USP30: variants seen among roughly 807,000 people sequenced by gnomAD.
The protein encoded by USP30 is ubiquitin carboxyl-terminal hydrolase 30.
A neutral mutation model predicts 68.2 loss-of-function variants in USP30; 41 were observed. The observed-to-expected ratio is 0.60, with a 90% CI of 0.47 to 0.78. USP30 has a LOEUF of 0.78. Ranked by LOEUF, USP30 falls within the 30% of genes least tolerant of loss-of-function variation. The pLI, the probability that USP30 is intolerant of heterozygous loss-of-function variation, is 0.00. For missense variants in USP30, 522 were observed against 649.4 expected (o/e 0.80, Z 2.13); for synonymous variants, 229 against 253.7 (o/e 0.90, Z 0.93).
chr12:109,029,301 G>C (rs2040465329), intron 3 of USP30, among the ~76,000 whole-genome samples: 1 of 152,178 alleles, frequency 6.6e-6, no homozygotes, highest in Non-Finnish European at 1.5e-5. Context: ...ACCTGAGAGG[G>C]GCTTCTGGCC....
chr12:109,067,743 T>C (rs1248333831), intron 4 of USP30, 116 bp downstream of exon 4: 3 of 859,732 alleles, frequency 3.5e-6, no homozygotes, highest in Non-Finnish European at 5.5e-6. Flanking sequence ...TTAGACAACT[T>C]TAGTGTTCTG....
intron 2 of USP30, among the ~76,000 whole-genome samples, chr12:109,027,306 T>TCTC (rs2040451854): frequency 6.6e-6 from 1 of 152,112 alleles, no homozygotes; most frequent in Non-Finnish European, 1.5e-5. Flanking sequence ...AGAGACAGGG[T>TCTC]CTCACTCTGC....
chr12:109,055,401 T>TATA (rs61062424), intron 1 of USP30, among the ~76,000 whole-genome samples: 12 of 29,638 alleles, frequency 4.0e-4, no homozygotes, highest in African/African-American at 1.2e-3. Context: ...TATATATATA[T>TATA]TTTTTTTTTT....
upstream of USP30, among the ~76,000 whole-genome samples, chr12:109,050,024 G>T (rs1019637154): frequency 6.6e-6 from 1 of 152,080 alleles, no homozygotes; most frequent in Non-Finnish European, 1.5e-5. Flanking sequence ...GGCGGGGCAC[G>T]GTGGCTCACA....
rs56010602 is a variant in USP30, at chr12:109,076,172, T to C, written c.720+2640T>C. Reference sequence around the variant, plus strand: ...TTTTTTCCGTGCATTATTTTGATACTATTGTAAGTGGAATTTAAAAAAATT... The same window carrying C: ...TTTTTTCCGTGCATTATTTTGATACCATTGTAAGTGGAATTTAAAAAAATT... On this transcript the variant is annotated intron_variant, in intron 7 of 12. Transcript: ENST00000257548. Among the ~76,000 whole-genome samples, 521 of 152,312 alleles carry C rather than the reference T, an allele frequency of 3.4e-3. 3 individuals carry two copies. Among genetic ancestry groups the C allele is most frequent in the African/African-American group, 0.012 (494 of 41,572 alleles).
chr12:109,086,347 A>T lies in USP30; in HGVS notation c.*416A>T, dbSNP rs74456627. The T allele has an allele frequency of 9.2e-3, 1,494 of 161,884 alleles. 13 individuals are homozygous for T. Among genetic ancestry groups the T allele is most frequent in the South Asian group, 0.039 (213 of 5,440 alleles). 10.0% of individuals were successfully genotyped at this position (161,884 alleles called of 1,614,324 possible). On this transcript the variant is annotated 3_prime_UTR_variant, in exon 13 of 13. Coordinates refer to ENST00000257548, the MANE Select transcript of USP30 (RefSeq NM_032663.5). ...CCCATAAAAATTGTTGACAAGAATT[A>T]ATGAAATTATTAAAGGCAACAATTT...
At chr12:109,074,018 G>A (rs1302337766) in intron 7 of USP30, among the ~76,000 whole-genome samples, 2 of 151,948 alleles carry the variant, frequency 1.3e-5, no homozygotes, top group Non-Finnish European at 2.9e-5. Context: ...ATACTCATTA[G>A]CAACCTCTCC....
chr12:109,031,291 C>T (rs372667971), intron 3 of USP30, among the ~76,000 whole-genome samples: 3 of 152,320 alleles, frequency 2.0e-5, no homozygotes, highest in African/African-American at 7.2e-5. Context: ...TTCATTCAAA[C>T]TCTACACATG....
chr12:109,077,578 G>C (rs1307842332), intron 7 of USP30, among the ~76,000 whole-genome samples: 7 of 152,044 alleles, frequency 4.6e-5, no homozygotes, highest in Admixed American at 3.9e-4. Flanking sequence ...GCATATAATG[G>C]GTCTTGCTTT....
chr12:109,076,142 A>G (rs1224178793), intron 7 of USP30, among the ~76,000 whole-genome samples: 1 of 152,110 alleles, frequency 6.6e-6, no homozygotes, highest in Non-Finnish European at 1.5e-5. Flanking sequence ...TTGACTATTC[A>G]TCTCTTTTTT....
At chr12:109,038,325 G>C (rs1267893897) in intron 3 of USP30, among the ~76,000 whole-genome samples, 3 of 151,700 alleles carry the variant, frequency 2.0e-5, no homozygotes, top group African/African-American at 7.3e-5. Context: ...TCTCTGTCAA[G>C]GACATAATCT....
At chr12:109,072,028 A>G (rs993965681) in intron 5 of USP30, among the ~76,000 whole-genome samples, 1 of 152,364 alleles carries the variant, frequency 6.6e-6, no homozygotes, top group East Asian at 1.9e-4. Flanking sequence ...TCCCTGTAAC[A>G]GTATAAATAT....
intron 3 of USP30, among the ~76,000 whole-genome samples, chr12:109,047,146 G>A (rs1025908649): frequency 2.0e-5 from 3 of 149,846 alleles, no homozygotes; most frequent in African/African-American, 7.4e-5. Flanking sequence ...AACGGGTTTA[G>A]TGTGAACAAC....
intron 3 of USP30, among the ~76,000 whole-genome samples, chr12:109,063,059 A>G (rs965878508): frequency 1.3e-5 from 2 of 152,080 alleles, no homozygotes; most frequent in African/African-American, 4.8e-5. Context: ...ATGTTATACC[A>G]TGTATCAGAA....
chr12:109,040,853 T>A (rs915888791), intron 3 of USP30, among the ~76,000 whole-genome samples: 2 of 152,240 alleles, frequency 1.3e-5, no homozygotes, highest in African/African-American at 4.8e-5. Flanking sequence ...ATAGCATCAC[T>A]CTCACAATAG....
intron 3 of USP30, among the ~76,000 whole-genome samples, chr12:109,066,090 A>G (rs2041237884): frequency 6.6e-6 from 1 of 152,022 alleles, no homozygotes; most frequent in African/African-American, 2.4e-5. Flanking sequence ...TGTCACTACA[A>G]AAAATACAAA....
At chr12:109,078,445 C>T (rs1051354488) in intron 7 of USP30, among the ~76,000 whole-genome samples, 4 of 151,226 alleles carry the variant, frequency 2.6e-5, no homozygotes, top group Admixed American at 1.3e-4. Context: ...AAAATAGCTG[C>T]ACCAGTTTAC....
intron 7 of USP30, among the ~76,000 whole-genome samples, chr12:109,080,780 C>T (rs1258192831): frequency 2.6e-5 from 4 of 152,158 alleles, no homozygotes; most frequent in African/African-American, 9.7e-5. Context: ...TTTTTAGATA[C>T]ACAAGTACTG....
chr12:109,058,129 A>G, intron 3 of USP30, 21 bp downstream of exon 3: 3 of 1,585,924 alleles, frequency 1.9e-6, no homozygotes, highest in Non-Finnish European at 2.6e-6. Context: ...GGGAATTTCA[A>G]GGGAATTATG....
Sources: gnomAD v4.1 joint callset for allele counts (sites outside exome capture counted in the v4.1 genomes callset) on GRCh38, gnomAD v4.1.1 for gene constraint, MANE v1.5 for transcripts, NCBI Gene and HGNC (gene_info 2026-07-23, HGNC 2026-07-21) for gene names.